Variants in GNA14 observed in about 807,000 individuals in gnomAD.
GNA14 encodes G protein subunit alpha 14, also known as guanine nucleotide-binding protein subunit alpha-14.
Under a neutral mutation model 42.0 loss-of-function variants are expected in GNA14, and 50 were observed. The observed-to-expected ratio is 1.19, with a 90% CI of 0.95 to 1.51. GNA14 has a LOEUF of 1.51. GNA14 is among the 40% of genes most tolerant of loss of function. The pLI, the probability that GNA14 is intolerant of heterozygous loss-of-function variation, is 0.00. For synonymous variants in GNA14, 173 were observed against 163.1 expected, an observed-to-expected ratio of 1.06 and a Z score of -0.46; for missense variants, 473 against 446.2, an observed-to-expected ratio of 1.06 and a Z score of -0.54.
intron 4 of GNA14, 72 bp downstream of exon 4, chr9:77,431,249 C>T (rs554883826): frequency 2.6e-4 from 362 of 1,376,668 alleles, no homozygotes; most frequent in Non-Finnish European, 3.2e-4. Context: ...AGGAATAACA[C>T]GTTTAAGAAT....
chr9:77,431,349 G>T lies in GNA14; in HGVS notation c.565C>A (p.Pro189Thr). ...AAGATGATGTTTTCCAAGTCAAATG[G>T]ATACTCAATGATGCCGGTGGTGGGC... ...RVPTTGIIEY[P>T]FDLENIIFRM... is the part of the protein sequence containing the mutation. Residue 189 changes from proline (P) to threonine (T), a missense_variant, in exon 4 of 7, where the codon CCA becomes ACA. Transcript: ENST00000341700. The T allele has an allele frequency of 6.2e-7, 1 of 1,613,802 alleles. No individual in the cohort carries two copies. The highest frequency in any genetic ancestry group is 8.5e-7 in the Non-Finnish European group (1 of 1,179,776).
intron 1 of GNA14, among the ~76,000 whole-genome samples, chr9:77,640,876 A>G (rs1462549412): frequency 6.8e-6 from 1 of 146,844 alleles, no homozygotes; most frequent in Non-Finnish European, 1.5e-5. Context: ...ATGCTCAAAA[A>G]AAAAAAAAAA....
intron 2 of GNA14, among the ~76,000 whole-genome samples, chr9:77,474,313 A>G (rs1836380481): frequency 6.6e-6 from 1 of 152,246 alleles, no homozygotes; most frequent in Non-Finnish European, 1.5e-5. Context: ...TAAGAAAAGA[A>G]TAAGAATGCA....
chr9:77,475,042 T>TTTTTTTTTTTTTTTTGAGACGG (rs1323015257), intron 2 of GNA14, among the ~76,000 whole-genome samples: 1 of 151,740 alleles, frequency 6.6e-6, no homozygotes, highest in African/African-American at 2.4e-5. Flanking sequence ...GTGTTTCTTT[T>TTTTTTTTTTTTTTTTGAGACGG]ATGGGGGACA....
intron 2 of GNA14, among the ~76,000 whole-genome samples, chr9:77,463,708 T>C (rs1564022098): frequency 6.6e-6 from 1 of 152,184 alleles, no homozygotes; most frequent in Non-Finnish European, 1.5e-5. Flanking sequence ...CAGGAGTGGC[T>C]GGTGGCAGAA....
At chr9:77,515,979 A>AAAAAAAAAG in intron 2 of GNA14, among the ~76,000 whole-genome samples, 1 of 147,458 alleles carries the variant, frequency 6.8e-6, no homozygotes, top group Non-Finnish European at 1.5e-5. Flanking sequence ...AAAAAAAAAA[A>AAAAAAAAAG]AAAACCCAGA....
At chr9:77,501,044 T>G (rs1836959841) in intron 2 of GNA14, among the ~76,000 whole-genome samples, 1 of 151,792 alleles carries the variant, frequency 6.6e-6, no homozygotes, top group East Asian at 1.9e-4. Flanking sequence ...AACCTCCGCC[T>G]CCCGGGTTGA....
At chr9:77,634,776 G>A (rs1414977529) in intron 1 of GNA14, among the ~76,000 whole-genome samples, 1 of 152,138 alleles carries the variant, frequency 6.6e-6, no homozygotes, top group Non-Finnish European at 1.5e-5. Context: ...TACTCAGCTG[G>A]TATTTCATGT....
At chr9:77,429,186 T>C (rs1835505587) in intron 4 of GNA14, 150 bp from the exon 5 acceptor site, 1 of 710,406 alleles carries the variant, frequency 1.4e-6, no homozygotes. Flanking sequence ...AAATGTTTGA[T>C]GCTGCTGCTT....
chr9:77,556,431 C>G (rs73460078), intron 1 of GNA14, among the ~76,000 whole-genome samples: 1 of 152,090 alleles, frequency 6.6e-6, no homozygotes, highest in Admixed American at 6.5e-5. Flanking sequence ...TTCCTGACCA[C>G]TGAACCTGGA....
intron 2 of GNA14, among the ~76,000 whole-genome samples, chr9:77,493,236 C>CA (rs1836816545): frequency 6.6e-6 from 1 of 151,564 alleles, no homozygotes; most frequent in Non-Finnish European, 1.5e-5. Context: ...AATGTTAGGT[C>CA]AAAAACGGCT....
intron 1 of GNA14, among the ~76,000 whole-genome samples, chr9:77,566,581 GAA>G (rs1234537962): frequency 2.0e-5 from 3 of 152,148 alleles, no homozygotes; most frequent in Non-Finnish European, 4.4e-5. Context: ...CAGGACAAGA[GAA>G]TATTCAAATT....
chr9:77,600,149 T>G (rs2117912587), intron 1 of GNA14, among the ~76,000 whole-genome samples: 1 of 152,306 alleles, frequency 6.6e-6, no homozygotes, highest in African/African-American at 2.4e-5. Context: ...TTTGAGGGCC[T>G]TTTCACAACT....
intron 2 of GNA14, among the ~76,000 whole-genome samples, chr9:77,495,068 G>A (rs1447840099): frequency 6.6e-6 from 1 of 152,180 alleles, no homozygotes; most frequent in Non-Finnish European, 1.5e-5. Flanking sequence ...CCAAAGTGCT[G>A]AGATTACAGG....
At chr9:77,436,029 A>T (rs1040197519) in intron 2 of GNA14, among the ~76,000 whole-genome samples, 7 of 152,214 alleles carry the variant, frequency 4.6e-5, no homozygotes, top group Non-Finnish European at 1.0e-4. Context: ...AGTCACTTTT[A>T]TTGTGCGTTG....
chr9:77,493,821 G>T (rs889133279), intron 2 of GNA14, among the ~76,000 whole-genome samples: 1 of 152,160 alleles, frequency 6.6e-6, no homozygotes, highest in Admixed American at 6.5e-5. Context: ...TAACATCTTT[G>T]AAGTATGACT....
At position 77,434,464 on chromosome 9, in the gene GNA14, T is replaced by A; in HGVS notation, c.368A>T (p.Glu123Val). The part of the protein sequence containing the change: ...EVDKVSMLSR[E>V]QVEAIKQLWQ... ...GAGCTGCTTGATGGCCTCCACCTGC[T>A]CCCTGGAGAGCATGGAGACCTTGTC... Residue 123 changes from glutamate (E) to valine (V), a missense_variant, in exon 3 of 7, where the codon GAG (glutamate) becomes GTG (valine). Transcript: ENST00000341700. The A allele has an allele frequency of 6.2e-7, 1 of 1,613,762 alleles. No individual in the cohort carries two copies. Among genetic ancestry groups the A allele is most frequent in the Non-Finnish European group, 8.5e-7 (1 of 1,179,700 alleles).
At chr9:77,478,635 G>GT (rs1282341780) in intron 2 of GNA14, among the ~76,000 whole-genome samples, 1 of 152,160 alleles carries the variant, frequency 6.6e-6, no homozygotes, top group East Asian at 1.9e-4. Context: ...CTAGTTTAGA[G>GT]TCCCACCAAC....
At chr9:77,633,904 AG>A (rs1824137988) in intron 1 of GNA14, among the ~76,000 whole-genome samples, 1 of 152,230 alleles carries the variant, frequency 6.6e-6, no homozygotes, top group African/African-American at 2.4e-5. Context: ...CACTGATTAA[AG>A]TACCCAGAAT....
Sources: allele counts gnomAD v4.1 joint callset (sites outside exome capture counted in the v4.1 genomes callset), GRCh38; gene constraint gnomAD v4.1.1; transcripts MANE v1.5; gene names NCBI Gene and HGNC (gene_info 2026-07-23, HGNC 2026-07-21).